SRGAP3: variants seen among roughly 807,000 people sequenced by gnomAD.
The protein encoded by SRGAP3 is SLIT-ROBO Rho GTPase activating protein 3, also known as SLIT-ROBO Rho GTPase-activating protein 3.
A neutral mutation model predicts 121.1 loss-of-function variants in SRGAP3; 39 were observed. The ratio of observed to expected loss-of-function variants is 0.32; its 90% CI spans 0.25 to 0.42. The LOEUF (loss-of-function observed/expected upper bound fraction) is 0.42. SRGAP3 is among the 10% of genes least tolerant of loss of function. The pLI is 1.00. For synonymous variants in SRGAP3, 601 were observed against 570.0 expected, an observed-to-expected ratio of 1.05 and a Z score of -0.77; for missense variants, 1,213 against 1,470.6, an observed-to-expected ratio of 0.82 and a Z score of 2.86.
intron 1 of SRGAP3, among the ~76,000 whole-genome samples, chr3:9,224,782 T>C (rs1307001737): frequency 6.6e-6 from 1 of 152,176 alleles, no homozygotes; most frequent in Non-Finnish European, 1.5e-5. Context: ...GGGCATCTCC[T>C]AAGTGAGAAG....
chr3:9,142,828 C>CTTTT (rs1949901475), intron 1 of SRGAP3, among the ~76,000 whole-genome samples: 1 of 63,422 alleles, frequency 1.6e-5, no homozygotes, highest in Non-Finnish European at 3.4e-5. Flanking sequence ...TGGGCAATTT[C>CTTTT]CTTTTTTTTT....
chr3:9,160,413 C>T (rs1950567925), intron 1 of SRGAP3, among the ~76,000 whole-genome samples: 1 of 152,162 alleles, frequency 6.6e-6, no homozygotes, highest in African/African-American at 2.4e-5. Flanking sequence ...ACCTGGAAGC[C>T]AGCTGCCATG....
chr3:9,360,034 A>G (rs1411474970), intron 1 of SRGAP3, among the ~76,000 whole-genome samples: 1 of 152,146 alleles, frequency 6.6e-6, no homozygotes, highest in East Asian at 1.9e-4. Context: ...GGCCCAAGCA[A>G]TCCTCCCATG....
chr3:9,307,432 C>G (rs1423247823), intron 3 of SRGAP3, among the ~76,000 whole-genome samples: 4 of 152,148 alleles, frequency 2.6e-5, no homozygotes, highest in African/African-American at 7.2e-5. Flanking sequence ...GCCTGGTAAC[C>G]GTGGTTACAC....
chr3:9,268,564 A>C (rs552322793), intron 3 of SRGAP3, among the ~76,000 whole-genome samples: 9 of 152,270 alleles, frequency 5.9e-5, no homozygotes, highest in Middle Eastern at 3.4e-3. Flanking sequence ...TTAAGCCTTC[A>C]TATGAGACCT....
chr3:9,050,046 C>A (rs1424187691), intron 9 of SRGAP3, among the ~76,000 whole-genome samples: 4 of 152,110 alleles, frequency 2.6e-5, no homozygotes, highest in African/African-American at 9.7e-5. Context: ...TGCCATGTTG[C>A]CCACGCTGGT....
Position 9,106,124 on chromosome 3 carries a change from G to A in SRGAP3, c.261-1282C>T, listed in dbSNP as rs1381503728. On this transcript the variant is annotated intron_variant, in intron 2 of 21. Transcript: ENST00000383836. The stretch of plus-strand genomic sequence containing the variant: ...CCCATAGTTAAATTAAGGACCATCT[G>A]TATTTGCCAAAGACCCCTCTGTGAG... 2.6e-5 allele frequency among the ~76,000 whole-genome samples: 4 copies of A among 152,348 alleles called. No homozygotes were observed. The East Asian group carries it at 5.8e-4, about 22-fold the overall frequency.
rs555397310 is a variant in SRGAP3, at chr3:9,135,491, C to T, written c.68-10574G>A. The stretch of plus-strand genomic sequence containing the variant: ...CCTTGCCCTCCAACTCCAGCCCTAG[C>T]GGAGATGATGTGGCCCAGTGGATAG... On this transcript the variant is annotated intron_variant, in intron 1 of 21. Transcript: ENST00000383836. 4.6e-5 allele frequency among the ~76,000 whole-genome samples: 7 copies of T among 152,268 alleles called. No individual in the cohort carries two copies. The East Asian group carries it at 1.4e-3, about 29-fold the overall frequency.
Position 9,131,951 on chromosome 3 carries a change from C to T in SRGAP3, c.68-7034G>A, listed in dbSNP as rs73144571. Among the ~76,000 whole-genome samples, 1,161 of 152,266 alleles carry T rather than the reference C, an allele frequency of 7.6e-3. 17 individuals are homozygous for T. Among genetic ancestry groups the T allele is most frequent in the African/African-American group, 0.027 (1,103 of 41,532 alleles). ...AACAGTCTTACTAAAGATCACTTTGCATGCACCCAGGCTGCCACCTATGGC... is the reference window on the plus strand; with the variant it reads ...AACAGTCTTACTAAAGATCACTTTGTATGCACCCAGGCTGCCACCTATGGC... On this transcript the variant is annotated intron_variant, in intron 1 of 21. Transcript: ENST00000383836.
intron 1 of SRGAP3, among the ~76,000 whole-genome samples, chr3:9,156,877 G>T (rs1950434742): frequency 6.6e-6 from 1 of 152,068 alleles, no homozygotes; most frequent in Non-Finnish European, 1.5e-5. Context: ...AGCAGAGCAG[G>T]GCCTAGACCT....
chr3:9,078,941 G>C (rs547321497), intron 4 of SRGAP3, among the ~76,000 whole-genome samples: 1 of 152,286 alleles, frequency 6.6e-6, no homozygotes, highest in South Asian at 2.1e-4. Context: ...CTTGCCTAGA[G>C]TTCCGTAGCT....
At chr3:9,115,886 A>G (rs1283271756) in intron 2 of SRGAP3, among the ~76,000 whole-genome samples, 1 of 152,222 alleles carries the variant, frequency 6.6e-6, no homozygotes, top group African/African-American at 2.4e-5. Flanking sequence ...GTAACCAAAA[A>G]ACTAAATTCA....
chr3:9,286,681 C>T (rs1014967106), intron 3 of SRGAP3, among the ~76,000 whole-genome samples: 6 of 151,342 alleles, frequency 4.0e-5, no homozygotes, highest in African/African-American at 9.7e-5. Flanking sequence ...CGGCTCACTA[C>T]AAGCTTCGCC....
intron 2 of SRGAP3, among the ~76,000 whole-genome samples, chr3:9,115,183 T>C (rs17050037): frequency 0.067 from 10,269 of 152,214 alleles, 400 homozygotes; most frequent in African/African-American, 0.081. Flanking sequence ...CAGTTGGGGA[T>C]GACAACACCT....
At chr3:9,276,179 C>T (rs1360323525) in intron 3 of SRGAP3, among the ~76,000 whole-genome samples, 1 of 152,196 alleles carries the variant, frequency 6.6e-6, no homozygotes, top group East Asian at 1.9e-4. Context: ...CTCCCTTAAT[C>T]CTAACCCCTT....
At chr3:8,995,744 T>C (rs572403147) in intron 18 of SRGAP3, among the ~76,000 whole-genome samples, 9 of 152,350 alleles carry the variant, frequency 5.9e-5, no homozygotes, top group Middle Eastern at 6.8e-3. Flanking sequence ...ACCTGTTTTA[T>C]AGTTTCTACC....
At position 8,994,512 on chromosome 3, in the gene SRGAP3, T is replaced by C. The variant is rs1559864105; in HGVS notation, c.2239A>G (p.Ile747Val). 1 of 1,613,744 alleles carries C rather than the reference T, an allele frequency of 6.2e-7. No homozygotes were observed. The highest frequency in any genetic ancestry group is 1.3e-5 in the African/African-American group (1 of 75,058). Residue 747 changes from isoleucine (I) to valine (V), a missense_variant, in exon 19 of 22, where the codon ATC becomes GTC. Ile to Val is a conservative substitution (Grantham distance 29). This residue lies in a region of SRGAP3 where 793 missense variants were observed against 1,032.9 expected (regional missense o/e 0.77). Coordinates refer to ENST00000383836, the MANE Select transcript of SRGAP3 (RefSeq NM_014850.4). ...PHTSDEEVEQ[I>V]EAIAKFDYMG... ...TAGTCAAACTTGGCAATAGCCTCGA[T>C]CTGCTCCACTTCTGGAAGGAAATCA...
At chr3:9,270,807 A>AT (rs879368522) in intron 3 of SRGAP3, among the ~76,000 whole-genome samples, 53 of 148,390 alleles carry the variant, frequency 3.6e-4, no homozygotes, top group East Asian at 7.9e-4. Flanking sequence ...TAAGCAAGAG[A>AT]TTTTTTTTTT....
At chr3:9,227,608 CTGTT>C (rs1392432670) in intron 1 of SRGAP3, among the ~76,000 whole-genome samples, 2 of 152,250 alleles carry the variant, frequency 1.3e-5, no homozygotes, top group East Asian at 1.9e-4. Context: ...TTGGACCACA[CTGTT>C]TGGGCAGAAT....
Sources: gnomAD v4.1 joint callset for allele counts (sites outside exome capture counted in the v4.1 genomes callset) on GRCh38, gnomAD v4.1.1 for gene constraint, gnomAD v4.1.1 regional missense constraint, MANE v1.5 for transcripts, NCBI Gene and HGNC (gene_info 2026-07-23, HGNC 2026-07-21) for gene names.